The following ANO3 variants were observed in gnomAD, a reference collection of about 807,000 sequenced individuals.
The protein encoded by ANO3 is anoctamin-3.
A neutral mutation model predicts 144.8 loss-of-function variants in ANO3; 99 were observed. The observed-to-expected ratio is 0.68, with a 90% CI of 0.58 to 0.81. The LOEUF (loss-of-function observed/expected upper bound fraction) is 0.81, where lower values mean the gene tolerates loss of function less well. Ranked by LOEUF, ANO3 falls within the 30% of genes least tolerant of loss-of-function variation. The pLI is 0.00. For missense variants in ANO3, 905 were observed against 1,202.2 expected (o/e 0.75, Z 3.66); for synonymous variants, 414 against 392.6 (o/e 1.05, Z -0.64).
intron 24 of ANO3, among the ~76,000 whole-genome samples, chr11:26,653,902 C>T (rs1853608393): frequency 2.0e-5 from 3 of 152,102 alleles, no homozygotes; most frequent in Admixed American, 2.0e-4. Flanking sequence ...CATCCAATTT[C>T]TCCAGCACCA....
chr11:26,473,746 C>T lies in ANO3; in HGVS notation c.432+10598C>T, dbSNP rs1013763111. Among the ~76,000 whole-genome samples the T allele has an allele frequency of 7.2e-5, 11 of 151,780 alleles. No homozygotes were observed. In the South Asian group the frequency reaches 1.0e-3, roughly 14 times the overall value. ...AGTAAAATCATAAAAATGTCACTGA[C>T]GTTATATGATTAAATGTCACTTAGG... On this transcript the variant is annotated intron_variant, in intron 4 of 26. Coordinates refer to ENST00000256737, the MANE Select transcript of ANO3 (RefSeq NM_031418.4).
intron 4 of ANO3, among the ~76,000 whole-genome samples, chr11:26,484,148 C>T (rs1362001463): frequency 1.3e-5 from 2 of 152,044 alleles, no homozygotes; most frequent in Non-Finnish European, 2.9e-5. Flanking sequence ...TCACATGGAA[C>T]TGGAACATGT....
chr11:26,480,515 C>A lies in ANO3; in HGVS notation c.432+17367C>A, dbSNP rs150906775. On this transcript the variant is annotated intron_variant, in intron 4 of 26. Transcript: ENST00000256737. ...TAAAAATGAAAAATATAAAGGAATTCCAAAATTACCTGAGCAGGCCGGGCA... is the reference window on the plus strand; with the variant it reads ...TAAAAATGAAAAATATAAAGGAATTACAAAATTACCTGAGCAGGCCGGGCA... 2.0e-5 allele frequency among the ~76,000 whole-genome samples: 3 copies of A among 151,984 alleles called. No homozygotes were observed. The East Asian group carries it at 5.8e-4, about 29-fold the overall frequency.
chr11:26,561,141 G>A, intron 14 of ANO3: 1 of 1,612,582 alleles, frequency 6.2e-7, no homozygotes, highest in Non-Finnish European at 8.5e-7. Context: ...TTCTGGCATG[G>A]CTGAATCATT....
intron 24 of ANO3, 71 bp downstream of exon 24, chr11:26,647,927 G>C: frequency 6.9e-7 from 1 of 1,442,952 alleles, no homozygotes; most frequent in Non-Finnish European, 9.4e-7. Flanking sequence ...TTACTGGGAA[G>C]TTTTGTTCTG....
chr11:26,577,916 G>T (rs1019171197), intron 14 of ANO3, among the ~76,000 whole-genome samples: 3 of 152,170 alleles, frequency 2.0e-5, no homozygotes, highest in Non-Finnish European at 4.4e-5. Context: ...TCAATGAACT[G>T]ATAATCTGGC....
intron 1 of ANO3, among the ~76,000 whole-genome samples, chr11:26,425,328 C>G (rs1307294078): frequency 6.6e-6 from 1 of 152,052 alleles, no homozygotes; most frequent in African/African-American, 2.4e-5. Flanking sequence ...TTCAAACATT[C>G]CCCTATCACT....
intron 14 of ANO3, among the ~76,000 whole-genome samples, chr11:26,564,692 TAC>T (rs370277580): frequency 0.023 from 935 of 40,998 alleles, 128 homozygotes; most frequent in East Asian, 0.086. Flanking sequence ...CTCATATATA[TAC>T]ACACACACAC....
At chr11:26,450,468 T>C (rs144359960) in intron 3 of ANO3, among the ~76,000 whole-genome samples, 1 of 152,298 alleles carries the variant, frequency 6.6e-6, no homozygotes, top group East Asian at 1.9e-4. Flanking sequence ...TGGGTCCTTG[T>C]TGTTACTGTG....
At chr11:26,471,242 C>A (rs774420205) in intron 4 of ANO3, among the ~76,000 whole-genome samples, 15 of 151,834 alleles carry the variant, frequency 9.9e-5, no homozygotes, top group Non-Finnish European at 1.9e-4. Flanking sequence ...GTGTCCAGTT[C>A]AATCTCTGAG....
intron 11 of ANO3, 152 bp downstream of exon 11, chr11:26,542,220 G>A: frequency 1.1e-6 from 1 of 875,070 alleles, no homozygotes; most frequent in Non-Finnish European, 1.6e-6. Flanking sequence ...CTCACTGTAG[G>A]TAATTGGTTA....
intron 1 of ANO3, among the ~76,000 whole-genome samples, chr11:26,434,444 T>C (rs937188034): frequency 6.6e-6 from 1 of 152,204 alleles, no homozygotes; most frequent in Non-Finnish European, 1.5e-5. Context: ...CCTCTGGTTT[T>C]GGTTATTTCT....
intron 3 of ANO3, among the ~76,000 whole-genome samples, chr11:26,447,410 G>C (rs562342236): frequency 6.6e-6 from 1 of 151,966 alleles, no homozygotes; most frequent in African/African-American, 2.4e-5. Context: ...AAAATAATTT[G>C]CCAAATGTCA....
intron 1 of ANO3, among the ~76,000 whole-genome samples, chr11:26,414,346 C>A (rs1857513237): frequency 1.3e-5 from 2 of 151,950 alleles, no homozygotes; most frequent in Non-Finnish European, 2.9e-5. Flanking sequence ...AACCTAAATG[C>A]CTATCAACAA....
chr11:26,544,503 T>G (rs1849737384), intron 11 of ANO3, among the ~76,000 whole-genome samples: 1 of 150,948 alleles, frequency 6.6e-6, no homozygotes, highest in Admixed American at 6.6e-5. Flanking sequence ...ATAGGAGGAA[T>G]AAGTTCAAGA....
At chr11:26,413,512 A>C (rs2133988729) in intron 1 of ANO3, among the ~76,000 whole-genome samples, 1 of 152,176 alleles carries the variant, frequency 6.6e-6, no homozygotes, top group East Asian at 1.9e-4. Context: ...TTGTTATTTC[A>C]ACCCATATGT....
At chr11:26,550,428 C>T (rs1475420074) in intron 12 of ANO3, among the ~76,000 whole-genome samples, 1 of 151,560 alleles carries the variant, frequency 6.6e-6, no homozygotes, top group Non-Finnish European at 1.5e-5. Context: ...CCCTCCATTC[C>T]CTCCTTCCCC....
At chr11:26,512,985 T>A (rs1372615759) in intron 5 of ANO3, among the ~76,000 whole-genome samples, 1 of 152,284 alleles carries the variant, frequency 6.6e-6, no homozygotes, top group East Asian at 1.9e-4. Context: ...AGCACAGAAC[T>A]AGGTGCTAGG....
intron 1 of ANO3, among the ~76,000 whole-genome samples, chr11:26,227,684 T>G (rs963634872): frequency 9.2e-5 from 14 of 152,142 alleles, no homozygotes; most frequent in Non-Finnish European, 2.1e-4. Flanking sequence ...ATTCCACTTG[T>G]GCTGCCCGTG....
Sources: gnomAD v4.1 joint callset for allele counts (sites outside exome capture counted in the v4.1 genomes callset) on GRCh38, gnomAD v4.1.1 for gene constraint, MANE v1.5 for transcripts, NCBI Gene and HGNC (gene_info 2026-07-23, HGNC 2026-07-21) for gene names.